The following KLHL30 variants were observed in gnomAD, a reference collection of about 807,000 sequenced individuals.
The protein encoded by KLHL30 is kelch-like protein 30.
KLHL30 carries 55 observed loss-of-function variants against 55.0 expected under a neutral mutation model. That is an observed-to-expected ratio of 1.00 (90% CI 0.80 to 1.25). KLHL30 has a LOEUF of 1.25. Ranked by LOEUF, KLHL30 falls within the 50% of genes most tolerant of loss-of-function variation. KLHL30 has a pLI of 0.00. For missense variants in KLHL30, 786 were observed against 811.6 expected (o/e 0.97, Z 0.38); for synonymous variants, 356 against 372.6 (o/e 0.96, Z 0.51).
intron 1 of KLHL30, among the ~76,000 whole-genome samples, chr2:238,140,445 G>A (rs2106310162): frequency 6.6e-6 from 1 of 152,126 alleles, no homozygotes; most frequent in East Asian, 1.9e-4. Flanking sequence ...CCTGGCCATG[G>A]GTAGGTCTCC....
chr2:238,144,396 A>AGGCAGGCAGGC, intron 3 of KLHL30, among the ~76,000 whole-genome samples: 1 of 101,640 alleles, frequency 9.8e-6, no homozygotes, highest in African/African-American at 4.3e-5. Context: ...GGAAGGAAGG[A>AGGCAGGCAGGC]AGGAAGGAAG....
At chr2:238,145,901 C>T (rs903081695) in intron 5 of KLHL30, 69 bp downstream of exon 5, 11 of 1,457,006 alleles carry the variant, frequency 7.5e-6, no homozygotes, top group African/African-American at 2.8e-5. Context: ...CAACAGGAAC[C>T]GAGAGCCCCA....
chr2:238,143,259 T>C (rs1030082239), intron 3 of KLHL30, among the ~76,000 whole-genome samples: 1 of 152,126 alleles, frequency 6.6e-6, no homozygotes, highest in African/African-American at 2.4e-5. Flanking sequence ...GGCCGCTGCC[T>C]CCTCCCCATG....
chr2:238,148,104 T>TGGGGGC (rs1692681134), intron 6 of KLHL30, 82 bp downstream of exon 6: 2 of 1,285,106 alleles, frequency 1.6e-6, no homozygotes, highest in African/African-American at 3.1e-5. Flanking sequence ...ATGGTGAGGA[T>TGGGGGC]TGGGGCTCCT....
At position 238,152,094 on chromosome 2, in the gene KLHL30, C is replaced by T. The variant is rs557985617; in HGVS notation, c.*1029C>T. 1.0e-6 allele frequency: 1 copy of T among 985,510 alleles called. No individual in the cohort carries two copies. Among genetic ancestry groups the T allele is most frequent in the Admixed American group, 6.1e-5 (1 of 16,294 alleles). 61.0% of individuals were successfully genotyped at this position (985,510 alleles called of 1,614,324 possible). ...CGTGTCCCTCCTGTCACAGGCTCCG[C>T]CCTGGGACATGGGGCTAGAAGTCAG... On this transcript the variant is annotated 3_prime_UTR_variant, in exon 8 of 8. Coordinates refer to ENST00000409223, the MANE Select transcript of KLHL30 (RefSeq NM_198582.4).
chr2:238,145,674 C>A lies in KLHL30; in HGVS notation c.995-3C>A, dbSNP rs375531432. On this transcript the variant is annotated splice_polypyrimidine_tract_variant and splice_region_variant and intron_variant, in intron 4 of 7. Coordinates refer to ENST00000409223, the MANE Select transcript of KLHL30 (RefSeq NM_198582.4). ...CCCATGTAGACAGAACTTCTCCCGGCAGGTGGCTCTCGGGGCACAAAGACA... is the reference window on the plus strand; with the variant it reads ...CCCATGTAGACAGAACTTCTCCCGGAAGGTGGCTCTCGGGGCACAAAGACA... 5.5e-5 allele frequency: 86 copies of A among 1,573,296 alleles called. No homozygotes were observed. The African/African-American group carries it at 1.1e-3, about 21-fold the overall frequency.
At position 238,150,696 on chromosome 2, in the gene KLHL30, G is replaced by T. The variant is rs574727228; in HGVS notation, c.1486-118G>T. ...GGACTCTGCGCTCATGCCCTGGAGG[G>T]GATCTGGGCCAGGTGGCTGGCTGTC... is the stretch of plus-strand genomic sequence containing the variant. On this transcript the variant is annotated intron_variant, in intron 7 of 7. Coordinates refer to ENST00000409223, the MANE Select transcript of KLHL30 (RefSeq NM_198582.4). The T allele has an allele frequency of 1.8e-5, 21 of 1,191,816 alleles. No homozygotes were observed. The East Asian group carries it at 4.9e-4, about 28-fold the overall frequency. The allele number at this position is 1,191,816 out of a possible 1,614,324, so 73.8% of individuals were successfully genotyped here.
rs1692679336 is a variant in KLHL30, at chr2:238,148,006, CTA to C, written c.1324_1325del (p.Tyr442GlnfsTer62). ...AGTACAACGCCCTGGCCCTGCAGTG[CTA>C]CAACCCTGTCACAGGTGGGTGGGGC... ...CKYNALALQC[Y>X]NPVTDAWSVI... is the part of the protein sequence containing the mutation. On this transcript the variant is annotated frameshift_variant, in exon 6 of 8. Coordinates refer to ENST00000409223, the MANE Select transcript of KLHL30 (RefSeq NM_198582.4). LOFTEE classifies it high-confidence loss of function. The C allele has an allele frequency of 6.7e-7, 1 of 1,483,414 alleles. No homozygotes were observed. The highest frequency in any genetic ancestry group is 1.4e-5 in the African/African-American group (1 of 70,548). 91.9% of individuals were successfully genotyped at this position (1,483,414 alleles called of 1,614,324 possible). A position where few individuals can be genotyped will look rare whatever the true frequency, so the allele number is the denominator to read the frequency against.
chr2:238,144,400 A>AGGC (rs1692598331), intron 3 of KLHL30, among the ~76,000 whole-genome samples: 3 of 110,896 alleles, frequency 2.7e-5, no homozygotes, highest in Non-Finnish European at 5.5e-5. Flanking sequence ...GGAAGGAAGG[A>AGGC]AGGAAGGAAG....
intron 2 of KLHL30, among the ~76,000 whole-genome samples, 194 bp from the exon 3 acceptor site, chr2:238,142,605 T>C (rs1692562761): frequency 6.6e-6 from 1 of 152,130 alleles, no homozygotes; most frequent in South Asian, 2.1e-4. Context: ...CTGAAGATGG[T>C]TCAGGAACTC....
intron 3 of KLHL30, 51 bp downstream of exon 3, chr2:238,142,982 G>C (rs1183521263): frequency 1.4e-6 from 2 of 1,479,382 alleles, no homozygotes; most frequent in Non-Finnish European, 1.8e-6. Flanking sequence ...CTGTCCCAGC[G>C]GGAGCCGCTG....
rs775684927 is a variant in KLHL30, at chr2:238,150,997, G to A, written c.1669G>A (p.Gly557Arg). 5.8e-5 allele frequency: 92 copies of A among 1,589,246 alleles called. No homozygotes were observed. Among genetic ancestry groups the A allele is most frequent in the Non-Finnish European group, 7.3e-5 (85 of 1,169,270 alleles). ...GALPRLWLYH[G>R]ASTVFLDVSK... is the part of the protein sequence containing the mutation. ...CCTGCCCCGGCTCTGGCTCTACCAC[G>A]GGGCCTCCACCGTCTTCCTGGATGT... The change falls in exon 8 of 8, where the codon GGG becomes AGG. Residue 557 changes from glycine to arginine, a missense_variant. Transcript: ENST00000409223.
Position 238,147,962 on chromosome 2 carries a change from G to C in KLHL30, c.1279G>C (p.Val427Leu), listed in dbSNP as rs1313697949. 1.1e-5 allele frequency: 17 copies of C among 1,571,840 alleles called. No individual in the cohort carries two copies. Among genetic ancestry groups the C allele is most frequent in the Non-Finnish European group, 1.5e-5 (17 of 1,160,126 alleles). ...CGGCTGCCGGGGCCGGCTCTACCTGGTGGGCTCCAGCGCCTGCAAGTACAA... is the reference window on the plus strand; with the variant it reads ...CGGCTGCCGGGGCCGGCTCTACCTGCTGGGCTCCAGCGCCTGCAAGTACAA... ...AAGCRGRLYLVGSSACKYNAL... is the reference protein window; with the variant it reads ...AAGCRGRLYLLGSSACKYNAL... Residue 427 changes from valine to leucine, a missense_variant, in exon 6 of 8, where the codon GTG becomes CTG. Coordinates refer to ENST00000409223, the MANE Select transcript of KLHL30 (RefSeq NM_198582.4). The surrounding 1 kb of genome is among the most constrained non-coding windows in gnomAD (Gnocchi z 5.8).
At chr2:238,141,727 C>T (rs114327296) in intron 2 of KLHL30, among the ~76,000 whole-genome samples, 199 bp downstream of exon 2, 1,572 of 152,348 alleles carry the variant, frequency 0.01, 15 homozygotes, top group Non-Finnish European at 0.017. Flanking sequence ...GTGTGTGTCA[C>T]GCCCTGTGTG....
Position 238,150,869 on chromosome 2 carries a change from C to T in KLHL30, c.1541C>T (p.Ala514Val), listed in dbSNP as rs530768008. The T allele has an allele frequency of 1.1e-4, 171 of 1,595,384 alleles. 1 individual carries two copies. The South Asian group carries it at 1.4e-3, about 13-fold the overall frequency. The stretch of plus-strand genomic sequence containing the variant: ...GGCGCGCTGGTGCCACTGGGTGATG[C>T]GCTGTACGTGACGGGCGGCCGCTGG... ...ENGALVPLGD[A>V]LYVTGGRWQG... The change falls in exon 8 of 8, where the codon GCG (alanine) becomes GTG (valine). Residue 514 changes from alanine to valine, a missense_variant. Transcript: ENST00000409223.
rs201855562 is a variant in KLHL30, at chr2:238,141,230, G to C, written c.476G>C (p.Arg159Pro). The change falls in exon 2 of 8, where the codon CGA (arginine) becomes CCA (proline). Residue 159 changes from arginine to proline, a missense_variant. Transcript: ENST00000409223. ...GVAAKAWAFL[R>P]ENFEAVARED... ...GCTGCCAAGGCCTGGGCCTTCCTGC[G>C]AGAGAACTTTGAGGCTGTGGCACGT... 12 of 1,609,200 alleles carry C rather than the reference G, an allele frequency of 7.5e-6. No individual in the cohort carries two copies. Among genetic ancestry groups the C allele is most frequent in the South Asian group, 2.2e-5 (2 of 91,060 alleles).
intron 5 of KLHL30, 133 bp downstream of exon 5, chr2:238,145,965 G>A (rs972241408): frequency 1.8e-5 from 20 of 1,130,886 alleles, no homozygotes; most frequent in Middle Eastern, 3.0e-4. Context: ...CTCAGGGCTC[G>A]CTGTCTGGTG....
intron 4 of KLHL30, 122 bp downstream of exon 4, chr2:238,145,110 C>A (rs1692624211): frequency 1.3e-6 from 1 of 772,998 alleles, no homozygotes; most frequent in South Asian, 1.5e-5. Context: ...CCTTTCCATG[C>A]ATGTGAAAAC....
Position 238,141,368 on chromosome 2 carries a change from G to C in KLHL30, c.614G>C (p.Arg205Pro), listed in dbSNP as rs751007973. The C allele has an allele frequency of 1.9e-6, 3 of 1,596,794 alleles. No homozygotes were observed. The highest frequency in any genetic ancestry group is 1.3e-5 in the African/African-American group (1 of 74,790). Reference protein sequence around the residue: ...SRLEALMRWVRHDPQARAAHL... With the variant: ...SRLEALMRWVPHDPQARAAHL... ...CTCGAGGCCCTGATGCGCTGGGTGC[G>C]CCATGACCCGCAGGCCCGGGCCGCC... Residue 205 changes from arginine to proline, a missense_variant, in exon 2 of 8, where the codon CGC becomes CCC. Physicochemically the swap from Arg to Pro is moderately radical, Grantham distance 103. Coordinates refer to ENST00000409223, the MANE Select transcript of KLHL30 (RefSeq NM_198582.4).
Sources: allele counts gnomAD v4.1 joint callset (sites outside exome capture counted in the v4.1 genomes callset), GRCh38; gene constraint gnomAD v4.1.1; non-coding constraint Gnocchi (gnomAD v3.1); transcripts MANE v1.5; gene names NCBI Gene and HGNC (gene_info 2026-07-23, HGNC 2026-07-21).